SERAC1: variants seen among roughly 807,000 people sequenced by gnomAD.
SERAC1 encodes serine active site containing 1.
In SERAC1, 36 loss-of-function variants were observed where a neutral mutation model predicts 85.7. The ratio of observed to expected loss-of-function variants is 0.42; its 90% CI spans 0.32 to 0.55. The LOEUF is 0.55. SERAC1 is among the 20% of genes least tolerant of loss of function. SERAC1 has a pLI of 0.11. For missense variants in SERAC1, 629 were observed against 796.2 expected (o/e 0.79, Z 2.53); for synonymous variants, 242 against 265.3 (o/e 0.91, Z 0.85).
chr6:158,136,414 C>A (rs532048603), intron 8 of SERAC1, among the ~76,000 whole-genome samples: 2 of 152,116 alleles, frequency 1.3e-5, no homozygotes, highest in South Asian at 4.1e-4. Flanking sequence ...AGGTTAAGAA[C>A]CCTGTTCCAA....
intron 14 of SERAC1, among the ~76,000 whole-genome samples, chr6:158,115,908 A>T (rs777385282): frequency 2.0e-5 from 3 of 152,344 alleles, no homozygotes; most frequent in African/African-American, 7.2e-5. Flanking sequence ...GCTGCTTCTC[A>T]TGTTTATTCA....
Position 158,120,139 on chromosome 6 carries a change from A to G in SERAC1, c.1166+286T>C, listed in dbSNP as rs910660185. ...GTGAAAATGCCTTGAACCAAAGGAG[A>G]TATGTATTACAAAGTTTAAGTGTGA... On this transcript the variant is annotated intron_variant, in intron 11 of 16. Transcript: ENST00000647468. This position sits in a 1 kb window ranked among gnomAD's most constrained non-coding sequence, Gnocchi z 4.4. Among the ~76,000 whole-genome samples, 5 of 152,198 alleles carry G rather than the reference A, an allele frequency of 3.3e-5. No homozygotes were observed. The highest frequency in any genetic ancestry group is 1.2e-4 in the African/African-American group (5 of 41,438).
intron 1 of SERAC1, among the ~76,000 whole-genome samples, chr6:158,166,499 T>A (rs182260958): frequency 1.3e-3 from 203 of 152,338 alleles, no homozygotes; most frequent in Admixed American, 2.4e-3. Flanking sequence ...CCTTTCCATA[T>A]AAATTTTAAG....
intron 2 of SERAC1, among the ~76,000 whole-genome samples, chr6:158,157,564 T>G (rs1305159801): frequency 6.6e-6 from 1 of 152,216 alleles, no homozygotes; most frequent in Non-Finnish European, 1.5e-5. Flanking sequence ...CAATTAAATA[T>G]TTTGTTTATT....
Position 158,150,465 on chromosome 6 carries a change from C to T in SERAC1, c.253G>A (p.Gly85Arg). The T allele has an allele frequency of 6.4e-7, 1 of 1,573,730 alleles. No homozygotes were observed. Among genetic ancestry groups the T allele is most frequent in the Non-Finnish European group, 8.7e-7 (1 of 1,147,212 alleles). ...ACAATAAACTTACCATGATTTTCTC[C>T]TTTGTCTAAAGAAACTGTGTGCACA... ...IYVHTVSLDKGENHGIAWQAR... is the reference protein window; with the variant it reads ...IYVHTVSLDKRENHGIAWQAR... Residue 85 changes from glycine (G) to arginine (R), a missense_variant, in exon 4 of 17, where the codon GGA becomes AGA. By Grantham distance (125) the Gly-to-Arg change is moderately radical. Transcript: ENST00000647468.
chr6:158,117,564 A>G lies in SERAC1; in HGVS notation c.1403+163T>C, dbSNP rs1187489377. The stretch of plus-strand genomic sequence containing the variant: ...TTCTACTATTCCACTGCTTATTGAC[A>G]GCAAACTCCTTCTAGAAGGAAGACA... On this transcript the variant is annotated intron_variant, in intron 13 of 16. Coordinates refer to ENST00000647468, the MANE Select transcript of SERAC1 (RefSeq NM_032861.4). This position sits in a 1 kb window ranked among gnomAD's most constrained non-coding sequence, Gnocchi z 4.3. 1 of 1,551,116 alleles carries G rather than the reference A, an allele frequency of 6.4e-7. No individual in the cohort carries two copies. The highest frequency in any genetic ancestry group is 1.4e-5 in the African/African-American group (1 of 73,084).
chr6:158,148,915 A>T lies in SERAC1; in HGVS notation c.305T>A (p.Val102Glu). ...GGCTGATGTTGCCAATACTTTTCTT[A>T]CTGCTTTGTGAAGTTCTTTTCTTGC... ...WQARKELHKAVRKVLATSAKI... is the reference protein window; with the variant it reads ...WQARKELHKAERKVLATSAKI... The change falls in exon 5 of 17, where the codon GTA becomes GAA. Residue 102 changes from valine to glutamate, a missense_variant. Val to Glu is a moderately radical substitution (Grantham distance 121). Coordinates refer to ENST00000647468, the MANE Select transcript of SERAC1 (RefSeq NM_032861.4). The T allele has an allele frequency of 6.2e-7, 1 of 1,612,892 alleles. No individual in the cohort carries two copies. Among genetic ancestry groups the T allele is most frequent in the Non-Finnish European group, 8.5e-7 (1 of 1,179,498 alleles).
At position 158,119,808 on chromosome 6, in the gene SERAC1, C is replaced by T. The variant is rs144392079; in HGVS notation, c.1166+617G>A. On this transcript the variant is annotated intron_variant, in intron 11 of 16. Coordinates refer to ENST00000647468, the MANE Select transcript of SERAC1 (RefSeq NM_032861.4). This position sits in a 1 kb window ranked among gnomAD's most constrained non-coding sequence, Gnocchi z 4.5. ...AAAGTTTTTGCTATTTTCTGAGGTA[C>T]TTTTTGTAAAGTGCCCTAAGAAAAC... Among the ~76,000 whole-genome samples, 595 of 152,190 alleles carry T rather than the reference C, an allele frequency of 3.9e-3. 6 individuals carry two copies. The highest frequency in any genetic ancestry group is 0.014 in the African/African-American group (570 of 41,520).
chr6:158,116,470 C>T lies in SERAC1; in HGVS notation c.1404-188G>A, dbSNP rs142656731. 2.6e-3 allele frequency: 1,415 copies of T among 539,316 alleles called. 21 individuals carry two copies. The highest frequency in any genetic ancestry group is 0.024 in the African/African-American group (1,276 of 52,568). 33.4% of individuals were successfully genotyped at this position (539,316 alleles called of 1,614,324 possible). A position where few individuals can be genotyped will look rare whatever the true frequency, so the allele number is the denominator to read the frequency against. The stretch of plus-strand genomic sequence containing the variant: ...ATTCTCTCTTATTGAACTCCTGGCC[C>T]CAAGGAATCCTCCCACCTCGGCCTC... On this transcript the variant is annotated intron_variant, in intron 13 of 16. Coordinates refer to ENST00000647468, the MANE Select transcript of SERAC1 (RefSeq NM_032861.4).
At chr6:158,162,833 G>A (rs982710766) in intron 1 of SERAC1, among the ~76,000 whole-genome samples, 3 of 152,084 alleles carry the variant, frequency 2.0e-5, no homozygotes, top group African/African-American at 7.2e-5. Flanking sequence ...CTTAAATGCA[G>A]ATTTTTTTTA....
chr6:158,123,315 T>A (rs925165253), intron 10 of SERAC1, among the ~76,000 whole-genome samples: 3 of 152,198 alleles, frequency 2.0e-5, no homozygotes, highest in Non-Finnish European at 4.4e-5. Context: ...AAAGTATACA[T>A]TCCTGAGACT....
chr6:158,162,634 C>A (rs1043244019), intron 1 of SERAC1, among the ~76,000 whole-genome samples: 1 of 152,172 alleles, frequency 6.6e-6, no homozygotes, highest in African/African-American at 2.4e-5. Context: ...CAACTTCTTC[C>A]ATTTTTTTCT....
At chr6:158,144,511 A>T (rs1785006461) in intron 6 of SERAC1, 91 bp from the exon 7 acceptor site, 1 of 1,234,160 alleles carries the variant, frequency 8.1e-7, no homozygotes, top group South Asian at 1.6e-5. Flanking sequence ...AAGCACTCTA[A>T]TTTTTAAACT....
At chr6:158,125,172 A>G (rs897726158) in intron 10 of SERAC1, among the ~76,000 whole-genome samples, 7 of 152,292 alleles carry the variant, frequency 4.6e-5, no homozygotes, top group African/African-American at 1.7e-4. Flanking sequence ...TTCCTCCCAC[A>G]TTAATAGAAT....
intron 5 of SERAC1, 103 bp from the exon 6 acceptor site, chr6:158,147,016 A>G: frequency 8.4e-7 from 1 of 1,186,400 alleles, no homozygotes; most frequent in Non-Finnish European, 1.2e-6. Context: ...ACAATTGGAG[A>G]GTTAAATCCA....
intron 2 of SERAC1, among the ~76,000 whole-genome samples, chr6:158,156,935 T>C (rs1465545457): frequency 7.4e-6 from 1 of 134,774 alleles, no homozygotes; most frequent in African/African-American, 3.1e-5. Context: ...AATATATTTA[T>C]ATAGATATTA....
intron 8 of SERAC1, among the ~76,000 whole-genome samples, chr6:158,131,200 T>C (rs1784663727): frequency 6.6e-6 from 1 of 150,834 alleles, no homozygotes; most frequent in Non-Finnish European, 1.5e-5. Flanking sequence ...TGACAAAAAA[T>C]ACCAACACTA....
Position 158,144,340 on chromosome 6 carries a change from G to A in SERAC1, c.568C>T (p.Arg190Cys), listed in dbSNP as rs564717592. ...GLARSEESDL[R>C]FFLLPPPLPS... ...AAAGGAGGTGGTAGGAGAAAAAAGC[G>A]AAGATCACTCTCTTCGCTTCGTGCC... Residue 190 changes from arginine to cysteine, a missense_variant, in exon 7 of 17, where the codon CGC becomes TGC. Transcript: ENST00000647468. The A allele has an allele frequency of 1.4e-5, 23 of 1,613,042 alleles. No individual in the cohort carries two copies. The South Asian group carries it at 2.0e-4, about 14-fold the overall frequency.
intron 8 of SERAC1, among the ~76,000 whole-genome samples, chr6:158,138,698 A>G (rs1459820366): frequency 6.6e-6 from 1 of 152,068 alleles, no homozygotes; most frequent in East Asian, 1.9e-4. Context: ...AGCTGAAACT[A>G]TCAGATGTTA....
Sources: allele counts gnomAD v4.1 joint callset (sites outside exome capture counted in the v4.1 genomes callset), GRCh38; gene constraint gnomAD v4.1.1; non-coding constraint Gnocchi (gnomAD v3.1); transcripts MANE v1.5; gene names NCBI Gene and HGNC (gene_info 2026-07-23, HGNC 2026-07-21).